Variants in PPARGC1A observed in about 807,000 individuals in gnomAD.
PPARGC1A encodes PPARG coactivator 1 alpha, also known as peroxisome proliferator-activated receptor gamma coactivator 1-alpha.
Under a neutral mutation model 88.7 loss-of-function variants are expected in PPARGC1A, and 25 were observed. The ratio of observed to expected loss-of-function variants is 0.28; its 90% CI spans 0.21 to 0.39. The LOEUF is 0.39. Among genes scored for constraint, PPARGC1A ranks in the 10% least tolerant of loss-of-function variants. The pLI is 1.00. For missense variants in PPARGC1A, 880 were observed against 968.7 expected (o/e 0.91, Z 1.22); for synonymous variants, 363 against 355.6 (o/e 1.02, Z -0.24).
At chr4:24,187,100 G>A in the PPARGC1A span, among the ~76,000 whole-genome samples, 3 of 152,252 alleles carry the variant, frequency 2.0e-5, no homozygotes, top group Non-Finnish European at 2.9e-5. Flanking sequence ...AGTCCCCTTT[G>A]CCTATGCACT....
the PPARGC1A span, among the ~76,000 whole-genome samples, chr4:24,044,151 C>T: frequency 6.6e-6 from 1 of 152,186 alleles, no homozygotes; most frequent in Non-Finnish European, 1.5e-5. Context: ...AAGAAGATGG[C>T]AGTTGAGTCT....
intron 2 of PPARGC1A, among the ~76,000 whole-genome samples, chr4:23,870,331 G>A (rs1713028587): frequency 6.6e-6 from 1 of 152,168 alleles, no homozygotes; most frequent in African/African-American, 2.4e-5. Flanking sequence ...GATTGATTTT[G>A]GTAGCACTGT....
At chr4:24,032,773 C>T in the PPARGC1A span, among the ~76,000 whole-genome samples, 2 of 152,180 alleles carry the variant, frequency 1.3e-5, no homozygotes, top group Non-Finnish European at 2.9e-5. Context: ...ACACAGGAAG[C>T]TCAAAGGGCA....
At chr4:23,834,260 A>G (rs1469865201) in intron 2 of PPARGC1A, among the ~76,000 whole-genome samples, 3 of 152,166 alleles carry the variant, frequency 2.0e-5, no homozygotes, top group African/African-American at 7.2e-5. Context: ...AGATCTTGCC[A>G]CTGCACTCCA....
At chr4:24,335,563 G>GA in the PPARGC1A span, among the ~76,000 whole-genome samples, 15 of 152,140 alleles carry the variant, frequency 9.9e-5, no homozygotes, top group African/African-American at 3.6e-4. Flanking sequence ...GTTCATAGTA[G>GA]AAAAAAGTGA....
upstream of PPARGC1A, among the ~76,000 whole-genome samples, chr4:23,901,241 G>A (rs1719312542): frequency 6.6e-6 from 1 of 152,088 alleles, no homozygotes; most frequent in South Asian, 2.1e-4. Context: ...GTGGTGGCAG[G>A]CACCTGTAGT....
the PPARGC1A span, among the ~76,000 whole-genome samples, chr4:24,320,784 CAT>C: frequency 1.3e-5 from 2 of 152,164 alleles, no homozygotes; most frequent in Non-Finnish European, 2.9e-5. Flanking sequence ...TCACGAGAAA[CAT>C]ATACAGAACA....
Position 23,795,793 on chromosome 4 carries a change from C to A in PPARGC1A, c.*29G>T. The A allele has an allele frequency of 6.5e-7, 1 of 1,529,002 alleles. No individual in the cohort carries two copies. Among genetic ancestry groups the A allele is most frequent in the Non-Finnish European group, 9.0e-7 (1 of 1,114,696 alleles). The allele number at this position is 1,529,002 out of a possible 1,614,324, so 94.7% of individuals were successfully genotyped here. On this transcript the variant is annotated 3_prime_UTR_variant, in exon 13 of 13. Coordinates refer to ENST00000264867, the MANE Select transcript of PPARGC1A (RefSeq NM_013261.5). Reference sequence around the variant, plus strand: ...CGCTGTCCCATGAGGTATTCGCCATCCCTCTGTCATCCTCAGCTAGGGAAC... The same window carrying A: ...CGCTGTCCCATGAGGTATTCGCCATACCTCTGTCATCCTCAGCTAGGGAAC...
At chr4:24,014,402 T>C in the PPARGC1A span, among the ~76,000 whole-genome samples, 2 of 152,208 alleles carry the variant, frequency 1.3e-5, no homozygotes, top group African/African-American at 2.4e-5. Context: ...TTTGTATTCA[T>C]TTTCTCTCAT....
At chr4:23,913,060 C>T in the PPARGC1A span, among the ~76,000 whole-genome samples, 119 of 150,036 alleles carry the variant, frequency 7.9e-4, no homozygotes, top group African/African-American at 2.6e-3. Context: ...CCGCCTCAGC[C>T]GCCCAAAGTG....
At chr4:23,840,931 G>A (rs1429518089) in intron 2 of PPARGC1A, among the ~76,000 whole-genome samples, 1 of 152,060 alleles carries the variant, frequency 6.6e-6, no homozygotes, top group Non-Finnish European at 1.5e-5. Flanking sequence ...GACAGGCCAG[G>A]CAAGCAAGTG....
chr4:24,206,871 A>T, the PPARGC1A span, among the ~76,000 whole-genome samples: 5 of 95,180 alleles, frequency 5.3e-5, no homozygotes, highest in African/African-American at 1.9e-4. Flanking sequence ...AAAAAAAAAA[A>T]AAAAGCTAAC....
At chr4:23,958,473 T>C in the PPARGC1A span, among the ~76,000 whole-genome samples, 3 of 152,102 alleles carry the variant, frequency 2.0e-5, no homozygotes, top group Admixed American at 6.5e-5. Context: ...AACTCAAAAA[T>C]TTCTTTATGT....
At chr4:23,805,353 A>C (rs2932966) in intron 10 of PPARGC1A, among the ~76,000 whole-genome samples, 38,536 of 152,122 alleles carry the variant, frequency 0.25, 5,275 homozygotes, top group Admixed American at 0.34. Flanking sequence ...CACTCATAAA[A>C]ATCACCTCTG....
chr4:24,077,744 G>A, the PPARGC1A span, among the ~76,000 whole-genome samples: 2 of 149,782 alleles, frequency 1.3e-5, no homozygotes, highest in Non-Finnish European at 3.0e-5. Flanking sequence ...CTTGGTTCAA[G>A]GAAATTCTTT....
the PPARGC1A span, among the ~76,000 whole-genome samples, chr4:24,357,895 A>G: frequency 6.6e-6 from 1 of 151,364 alleles, no homozygotes; most frequent in African/African-American, 2.4e-5. Flanking sequence ...AGTTCATTAA[A>G]CCTCTTTTTC....
At chr4:24,161,303 A>C in the PPARGC1A span, among the ~76,000 whole-genome samples, 1 of 152,286 alleles carries the variant, frequency 6.6e-6, no homozygotes, top group Middle Eastern at 3.4e-3. Flanking sequence ...CATAATTAGG[A>C]ATTCTAGTCT....
intron 2 of PPARGC1A, among the ~76,000 whole-genome samples, chr4:23,839,850 T>C (rs538907685): frequency 6.6e-6 from 1 of 151,924 alleles, no homozygotes; most frequent in African/African-American, 2.4e-5. Context: ...AACCATTAGA[T>C]CTCGTGCGAC....
chr4:23,916,786 T>G, the PPARGC1A span, among the ~76,000 whole-genome samples: 421 of 152,318 alleles, frequency 2.8e-3, no homozygotes, highest in Admixed American at 4.5e-3. Flanking sequence ...ATCACCACCA[T>G]TTAAAAAATA....
Sources: gnomAD v4.1 joint callset for allele counts (sites outside exome capture counted in the v4.1 genomes callset) on GRCh38, gnomAD v4.1.1 for gene constraint, MANE v1.5 for transcripts, NCBI Gene and HGNC (gene_info 2026-07-23, HGNC 2026-07-21) for gene names.